Variants in RAB9B observed in about 807,000 individuals in gnomAD.
The protein encoded by RAB9B is RAB9B, member RAS oncogene family, also known as ras-related protein Rab-9B.
A neutral mutation model predicts 8.9 loss-of-function variants in RAB9B; 1 was observed. That is an observed-to-expected ratio of 0.11 (90% CI 0.04 to 0.53). RAB9B has a LOEUF of 0.53. Among genes scored for constraint, RAB9B ranks in the 20% least tolerant of loss-of-function variants. The pLI is 0.93. For synonymous variants in RAB9B, 63 were observed against 57.0 expected (o/e 1.10, Z -0.47); for missense variants, 82 against 152.9 (o/e 0.54, Z 2.45).
At chrX:103,778,046 T>C in the RAB9B span, among the ~76,000 whole-genome samples, 1 of 111,954 alleles carries the variant, frequency 8.9e-6, no homozygotes, top group Non-Finnish European at 1.9e-5. Flanking sequence ...CTTTGAAGCA[T>C]GTGTTCAGGT....
the RAB9B span, chrX:103,788,680 G>T: frequency 2.0e-6 from 1 of 509,185 alleles, no homozygotes. Context: ...AGCATAGAAG[G>T]TAAAACACCT....
chrX:103,790,837 C>T, the RAB9B span: 1 of 410,163 alleles, frequency 2.4e-6, no homozygotes. Flanking sequence ...TGGGAAATGC[C>T]TAAGAAGATG....
the RAB9B span, chrX:103,776,751 G>C: frequency 3.0e-6 from 1 of 330,974 alleles, no homozygotes. Context: ...TCCCTGAGTA[G>C]GTGGGGAAAA....
chrX:103,826,809 T>C (rs779694576), intron 2 of RAB9B, among the ~76,000 whole-genome samples, 196 bp downstream of exon 2: 15 of 111,829 alleles, frequency 1.3e-4, no homozygotes, highest in African/African-American at 4.9e-4. Flanking sequence ...TGAAAACGAA[T>C]CACTAATCGA....
At chrX:103,796,565 G>C in the RAB9B span, among the ~76,000 whole-genome samples, 3 of 111,029 alleles carry the variant, frequency 2.7e-5, no homozygotes, top group African/African-American at 9.8e-5. Context: ...ATCAAGCACT[G>C]TATCTGCAAA....
chrX:103,810,860 G>A, the RAB9B span, among the ~76,000 whole-genome samples: 1 of 112,016 alleles, frequency 8.9e-6, no homozygotes, highest in Admixed American at 9.5e-5. Flanking sequence ...ACCTGACGCT[G>A]GGAAGACATT....
Position 103,823,279 on chromosome X carries a change from A to G in RAB9B, c.*1900T>C, listed in dbSNP as rs2074669854. 8.9e-6 allele frequency: 1 copy of G among 112,149 alleles called. No individual in the cohort carries two copies. Among genetic ancestry groups the G allele is most frequent in the Non-Finnish European group, 1.9e-5 (1 of 53,262 alleles). 9.2% of individuals were successfully genotyped at this position (112,149 alleles called of 1,213,427 possible). On this transcript the variant is annotated 3_prime_UTR_variant, in exon 3 of 3. Coordinates refer to ENST00000243298, the MANE Select transcript of RAB9B (RefSeq NM_016370.4). ...TATAGGCATAGGCAGGATAGGGACC[A>G]GTACTTAAGAGCTGTGGGGTCCCAG...
the RAB9B span, among the ~76,000 whole-genome samples, chrX:103,780,468 T>C: frequency 8.1e-3 from 883 of 109,640 alleles, 11 homozygotes; most frequent in African/African-American, 0.024. Flanking sequence ...TGTGTGTGTG[T>C]GCGCGTCTGA....
intron 1 of RAB9B, among the ~76,000 whole-genome samples, chrX:103,827,306 A>G (rs2074686999): frequency 8.9e-6 from 1 of 112,075 alleles, no homozygotes; most frequent in African/African-American, 3.2e-5. Flanking sequence ...TTTGTAATTT[A>G]TATAATTTTT....
chrX:103,800,950 A>AAGGTGTATGGT, the RAB9B span, among the ~76,000 whole-genome samples: 1 of 112,278 alleles, frequency 8.9e-6, no homozygotes, highest in Non-Finnish European at 1.9e-5. Context: ...GTTCAATTTT[A>AAGGTGTATGGT]AATGCATATA....
the RAB9B span, among the ~76,000 whole-genome samples, chrX:103,782,722 G>A: frequency 3.6e-5 from 4 of 112,054 alleles, no homozygotes; most frequent in Non-Finnish European, 7.5e-5. Context: ...ATGGTCACTT[G>A]CTAGGGTGGA....
the RAB9B span, among the ~76,000 whole-genome samples, chrX:103,816,570 A>C: frequency 8.9e-6 from 1 of 112,357 alleles, no homozygotes; most frequent in Non-Finnish European, 1.9e-5. Flanking sequence ...CAAAAGCCAA[A>C]ATTGACAAAT....
chrX:103,826,613 T>C (rs185907663), intron 2 of RAB9B, among the ~76,000 whole-genome samples: 1 of 112,284 alleles, frequency 8.9e-6, no homozygotes, highest in East Asian at 2.8e-4. Context: ...ACCCTACTTG[T>C]TACCTCCACA....
At chrX:103,815,356 A>T in the RAB9B span, among the ~76,000 whole-genome samples, 1 of 112,931 alleles carries the variant, frequency 8.9e-6, no homozygotes, top group African/African-American at 3.2e-5. Flanking sequence ...GATTATATCC[A>T]TAGATGCAGA....
At chrX:103,783,698 G>A in the RAB9B span, among the ~76,000 whole-genome samples, 3 of 112,111 alleles carry the variant, frequency 2.7e-5, no homozygotes, top group East Asian at 2.8e-4. Flanking sequence ...TGTAACTAAT[G>A]TTAACAGAAT....
At chrX:103,812,913 C>T in the RAB9B span, among the ~76,000 whole-genome samples, 2 of 108,321 alleles carry the variant, frequency 1.8e-5, no homozygotes, top group South Asian at 4.2e-4. Flanking sequence ...CTTAACTTCT[C>T]GGTTCCTGAG....
chrX:103,786,910 C>G, the RAB9B span: 2 of 482,530 alleles, frequency 4.1e-6, no homozygotes, highest in Non-Finnish European at 7.2e-6. Flanking sequence ...CTTAGCCTCA[C>G]CTTTCAAAGG....
At chrX:103,790,795 C>A in the RAB9B span, 15 of 446,802 alleles carry the variant, frequency 3.4e-5, no homozygotes, top group East Asian at 5.7e-4. Context: ...CTCTTTTAGT[C>A]ATTTTGCTTC....
chrX:103,821,866 G>A (rs762386253), downstream of RAB9B, among the ~76,000 whole-genome samples: 14 of 111,379 alleles, frequency 1.3e-4, no homozygotes, highest in Non-Finnish European at 2.5e-4. Flanking sequence ...GGCTTTTAGT[G>A]TACCCATCAC....
Sources: allele counts gnomAD v4.1 joint callset (sites outside exome capture counted in the v4.1 genomes callset), GRCh38; gene constraint gnomAD v4.1.1; transcripts MANE v1.5; gene names NCBI Gene and HGNC (gene_info 2026-07-23, HGNC 2026-07-21).